The following PCDH11X variants were observed in gnomAD, a reference collection of about 807,000 sequenced individuals.
PCDH11X encodes the protein protocadherin-11 X-linked.
PCDH11X carries 18 observed loss-of-function variants against 53.3 expected under a neutral mutation model. That is an observed-to-expected ratio of 0.34 (90% CI 0.23 to 0.50). The LOEUF is 0.50. Ranked by LOEUF, PCDH11X falls within the 20% of genes least tolerant of loss-of-function variation. The pLI, the probability that PCDH11X is intolerant of heterozygous loss-of-function variation, is 0.98. For missense variants in PCDH11X, 570 were observed against 1,032.4 expected (o/e 0.55, Z 6.14); for synonymous variants, 279 against 393.3 (o/e 0.71, Z 3.44).
chrX:92,452,219 G>A (rs1189457368), intron 9 of PCDH11X, among the ~76,000 whole-genome samples: 10 of 100,777 alleles, frequency 9.9e-5, no homozygotes, highest in Non-Finnish European at 1.6e-4. Flanking sequence ...CGAACCATAC[G>A]ATTTTGATTC....
intron 8 of PCDH11X, among the ~76,000 whole-genome samples, chrX:92,318,244 C>T (rs2069123253): frequency 9.0e-6 from 1 of 111,391 alleles, no homozygotes; most frequent in Non-Finnish European, 1.9e-5. Context: ...CAAAATTACT[C>T]TGTTTTTATC....
chrX:91,896,265 C>A (rs1401240993), intron 6 of PCDH11X, among the ~76,000 whole-genome samples: 1 of 110,322 alleles, frequency 9.1e-6, no homozygotes, highest in Non-Finnish European at 1.9e-5. Flanking sequence ...GCTGGAACTA[C>A]AGACACGTGC....
intron 10 of PCDH11X, among the ~76,000 whole-genome samples, chrX:92,607,922 A>G (rs1261418309): frequency 9.0e-6 from 1 of 111,357 alleles, no homozygotes; most frequent in Admixed American, 9.6e-5. Context: ...TAATTGTGCA[A>G]AAAATATAGA....
At chrX:92,483,053 T>A (rs991610265) in intron 10 of PCDH11X, among the ~76,000 whole-genome samples, 1 of 108,107 alleles carries the variant, frequency 9.3e-6, no homozygotes, top group African/African-American at 3.4e-5. Flanking sequence ...ATGTGAAACA[T>A]GTAAATTAAT....
chrX:92,154,641 G>A (rs78660444), intron 6 of PCDH11X, among the ~76,000 whole-genome samples: 1 of 110,552 alleles, frequency 9.0e-6, no homozygotes, highest in South Asian at 3.9e-4. Flanking sequence ...GCTGGACAGC[G>A]TGAGGAACAC....
Position 91,802,472 on chromosome X carries a change from A to G in PCDH11X, c.-378-6994A>G, listed in dbSNP as rs1389342832. ...TGCATATTTAAACATCCTACTCCTC[A>G]CCCCATATTAAAGTTACATTATTAA... On this transcript the variant is annotated intron_variant, in intron 1 of 10. Transcript: ENST00000682573. Among the ~76,000 whole-genome samples, 3 of 110,803 alleles carry G rather than the reference A, an allele frequency of 2.7e-5. No individual in the cohort carries two copies. In the Admixed American group the frequency reaches 2.9e-4, roughly 11 times the overall value.
chrX:92,577,524 A>AT lies in PCDH11X; in HGVS notation c.3368-40729dup, dbSNP rs34542382. ...CAAGATTAGTTGAGTTTTTGAAGAG[A>AT]TTTTTTTTTTTCTATCTTTTTCAGG... is the stretch of plus-strand genomic sequence containing the variant. On this transcript the variant is annotated intron_variant, in intron 10 of 10. Coordinates refer to ENST00000682573, the MANE Select transcript of PCDH11X (RefSeq NM_032968.5). 9.1e-3 allele frequency among the ~76,000 whole-genome samples: 935 copies of AT among 103,208 alleles called. 7 individuals are homozygous for AT. The highest frequency in any genetic ancestry group is 0.026 in the African/African-American group (742 of 28,438). 89.6% of individuals were successfully genotyped at this position (103,208 alleles called of 115,157 possible). A position where few individuals can be genotyped will look rare whatever the true frequency, so the allele number is the denominator to read the frequency against.
intron 6 of PCDH11X, among the ~76,000 whole-genome samples, chrX:92,000,248 T>C (rs1353725725): frequency 8.9e-6 from 1 of 112,109 alleles, no homozygotes; most frequent in East Asian, 2.8e-4. Context: ...CTTTAGTTCT[T>C]CTGGATTTAT....
chrX:91,994,461 T>C (rs1296476075), intron 6 of PCDH11X, among the ~76,000 whole-genome samples: 2 of 106,680 alleles, frequency 1.9e-5, no homozygotes, highest in East Asian at 5.9e-4. Context: ...TTCATCAATG[T>C]TGTCACAAAT....
intron 8 of PCDH11X, among the ~76,000 whole-genome samples, chrX:92,381,532 C>A (rs2070874697): frequency 1.8e-5 from 2 of 111,502 alleles, no homozygotes; most frequent in African/African-American, 3.3e-5. Context: ...GATATTTATT[C>A]ACCATCATAA....
chrX:91,875,275 G>A (rs1464199585), intron 5 of PCDH11X, among the ~76,000 whole-genome samples: 1 of 102,758 alleles, frequency 9.7e-6, no homozygotes, highest in Non-Finnish European at 2.0e-5. Flanking sequence ...TACAGGGAGG[G>A]GATTTTTTTT....
intron 10 of PCDH11X, among the ~76,000 whole-genome samples, chrX:92,541,113 G>A: frequency 9.1e-6 from 1 of 109,707 alleles, no homozygotes; most frequent in East Asian, 2.9e-4. Flanking sequence ...AGCGCTTGGA[G>A]TTGTCCAGGA....
At chrX:92,580,415 T>G (rs1451336216) in intron 10 of PCDH11X, among the ~76,000 whole-genome samples, 1 of 101,487 alleles carries the variant, frequency 9.9e-6, no homozygotes, top group Non-Finnish European at 2.0e-5. Flanking sequence ...GATATCAGAG[T>G]TCTATCTGTA....
intron 6 of PCDH11X, among the ~76,000 whole-genome samples, chrX:92,062,507 T>C: frequency 9.0e-6 from 1 of 111,540 alleles, no homozygotes; most frequent in East Asian, 2.8e-4. Flanking sequence ...CTTCAGAGCC[T>C]AGTTTGTTCA....
intron 9 of PCDH11X, among the ~76,000 whole-genome samples, chrX:92,451,067 C>A (rs894827965): frequency 3.7e-5 from 4 of 109,446 alleles, no homozygotes; most frequent in African/African-American, 1.3e-4. Context: ...CAGAGTAGGA[C>A]ATCCAATTGT....
intron 6 of PCDH11X, among the ~76,000 whole-genome samples, chrX:91,969,604 G>C (rs1427683131): frequency 2.7e-5 from 3 of 109,237 alleles, no homozygotes; most frequent in Non-Finnish European, 3.8e-5. Flanking sequence ...GTTTAGAACA[G>C]CCTGGGCAAC....
chrX:92,239,007 T>A (rs1321153013), intron 7 of PCDH11X, among the ~76,000 whole-genome samples: 3 of 111,715 alleles, frequency 2.7e-5, no homozygotes, highest in Non-Finnish European at 3.8e-5. Flanking sequence ...AAATATGTTT[T>A]ACCTATCTTA....
At chrX:92,132,763 C>T (rs1177644707) in intron 6 of PCDH11X, among the ~76,000 whole-genome samples, 3 of 102,149 alleles carry the variant, frequency 2.9e-5, no homozygotes, top group Admixed American at 2.2e-4. Context: ...TGGGAGCCTG[C>T]GTTATTGAGA....
intron 10 of PCDH11X, among the ~76,000 whole-genome samples, chrX:92,493,943 G>A (rs745540144): frequency 3.2e-4 from 35 of 109,712 alleles, no homozygotes; most frequent in Admixed American, 1.6e-3. Context: ...CACCACACCC[G>A]GCTGCTCCGT....
Sources: allele counts gnomAD v4.1 joint callset (sites outside exome capture counted in the v4.1 genomes callset), GRCh38; gene constraint gnomAD v4.1.1; transcripts MANE v1.5; gene names NCBI Gene and HGNC (gene_info 2026-07-23, HGNC 2026-07-21).